Variants in HIPK2 observed in about 807,000 individuals in gnomAD.
HIPK2 encodes homeodomain interacting protein kinase 2, also known as homeodomain-interacting protein kinase 2.
In HIPK2, 27 loss-of-function variants were observed where a neutral mutation model predicts 113.7. That is an observed-to-expected ratio of 0.24 (90% CI 0.17 to 0.33). The LOEUF is 0.33. Among genes scored for constraint, HIPK2 ranks in the 10% least tolerant of loss-of-function variants. HIPK2 has a pLI of 1.00. For missense variants in HIPK2, 1,257 were observed against 1,588.0 expected (o/e 0.79, Z 3.54); for synonymous variants, 631 against 642.2 (o/e 0.98, Z 0.26).
intron 8 of HIPK2, 133 bp downstream of exon 8, chr7:139,614,153 C>T (rs1799936287): frequency 7.2e-6 from 6 of 836,118 alleles, no homozygotes; most frequent in Non-Finnish European, 1.0e-5. Flanking sequence ...TTCAGTGATA[C>T]CAGCGCTCTC....
intron 7 of HIPK2, among the ~76,000 whole-genome samples, chr7:139,619,909 C>A (rs1452761534): frequency 6.6e-6 from 1 of 152,062 alleles, no homozygotes; most frequent in Non-Finnish European, 1.5e-5. Flanking sequence ...TATAGGCATG[C>A]ACCACCATAC....
chr7:139,608,100 G>A (rs576688287), intron 9 of HIPK2, among the ~76,000 whole-genome samples: 111 of 151,588 alleles, frequency 7.3e-4, no homozygotes, highest in African/African-American at 2.3e-3. Context: ...AAAATTAGCC[G>A]GGGCGTGGTG....
At chr7:139,581,169 G>A (rs1030648096) in intron 13 of HIPK2, among the ~76,000 whole-genome samples, 5 of 152,130 alleles carry the variant, frequency 3.3e-5, no homozygotes, top group African/African-American at 4.8e-5. Context: ...GCAGTAAGCC[G>A]AGATCGCGCC....
At chr7:139,610,132 G>A (rs1799763529) in intron 9 of HIPK2, among the ~76,000 whole-genome samples, 1 of 152,184 alleles carries the variant, frequency 6.6e-6, no homozygotes, top group Admixed American at 6.5e-5. Flanking sequence ...TACGATTAAA[G>A]GACTGAAACA....
intron 1 of HIPK2, among the ~76,000 whole-genome samples, chr7:139,733,970 C>G (rs1795867357): frequency 6.6e-6 from 1 of 152,178 alleles, no homozygotes; most frequent in Non-Finnish European, 1.5e-5. Flanking sequence ...AGATGTGGCG[C>G]AAGTGTGAAG....
intron 4 of HIPK2, among the ~76,000 whole-genome samples, chr7:139,629,300 C>T (rs1351725399): frequency 6.6e-6 from 1 of 152,158 alleles, no homozygotes; most frequent in African/African-American, 2.4e-5. Flanking sequence ...ACAGGCTGAT[C>T]AAGGTATGCC....
At chr7:139,596,476 T>C (rs1430033895) in intron 12 of HIPK2, among the ~76,000 whole-genome samples, 1 of 152,218 alleles carries the variant, frequency 6.6e-6, no homozygotes, top group Non-Finnish European at 1.5e-5. Flanking sequence ...CCCAAATGTA[T>C]AGGGCCTATA....
intron 2 of HIPK2, among the ~76,000 whole-genome samples, chr7:139,668,247 G>A (rs1451068559): frequency 6.6e-6 from 1 of 151,656 alleles, no homozygotes; most frequent in Non-Finnish European, 1.5e-5. Context: ...TATAATTAAT[G>A]TGAAATGCTA....
At chr7:139,694,642 G>A (rs1271586332) in intron 2 of HIPK2, among the ~76,000 whole-genome samples, 3 of 152,146 alleles carry the variant, frequency 2.0e-5, no homozygotes, top group African/African-American at 7.2e-5. Flanking sequence ...ATTCCTGTGC[G>A]CATGGTCCAT....
chr7:139,761,923 C>T (rs960692746), intron 1 of HIPK2, among the ~76,000 whole-genome samples: 12 of 152,016 alleles, frequency 7.9e-5, no homozygotes, highest in African/African-American at 2.9e-4. Context: ...TAACAGTGGT[C>T]ATTTCTGGAC....
At chr7:139,717,383 T>C (rs1795280026) in intron 1 of HIPK2, among the ~76,000 whole-genome samples, 1 of 152,226 alleles carries the variant, frequency 6.6e-6, no homozygotes, top group South Asian at 2.1e-4. Flanking sequence ...CAGGAGGCTC[T>C]GCTGTCACGT....
At chr7:139,674,015 G>GAGAT (rs139499517) in intron 2 of HIPK2, among the ~76,000 whole-genome samples, 1,635 of 150,530 alleles carry the variant, frequency 0.011, 29 homozygotes, top group African/African-American at 0.037. Context: ...AGGTTGCAGT[G>GAGAT]AGATGAGCCT....
chr7:139,722,051 A>G, intron 1 of HIPK2: 1 of 475,498 alleles, frequency 2.1e-6, no homozygotes, highest in African/African-American at 2.0e-5. Context: ...AGTCATAAAC[A>G]CTGAATCTCA....
chr7:139,632,770 T>C (rs1188535918), intron 2 of HIPK2, among the ~76,000 whole-genome samples: 1 of 152,126 alleles, frequency 6.6e-6, no homozygotes, highest in East Asian at 1.9e-4. Flanking sequence ...ACACAGCTTA[T>C]GTTTTTTTAA....
In HIPK2 at chr7:139,626,708, C is replaced by T; in HGVS notation, c.1512G>A (p.Leu504=). ...KADRREFIDL[L]KKMLTIDADK... The stretch of plus-strand genomic sequence containing the variant: ...CAGCATCAATGGTCAGCATCTTCTT[C>T]AACAGGTCAATGAACTCCCGCCGGT... Residue 504 remains leucine (L), a synonymous_variant, in exon 6 of 15, where the codon TTG becomes TTA. Transcript: ENST00000406875. 1.2e-6 allele frequency: 2 copies of T among 1,613,964 alleles called. No homozygotes were observed. Among genetic ancestry groups the T allele is most frequent in the East Asian group, 2.2e-5 (1 of 44,884 alleles).
rs775085024 is a variant in HIPK2, at chr7:139,574,116, G to A, written c.3127-719C>T. Among the ~76,000 whole-genome samples, 10 of 152,210 alleles carry A rather than the reference G, an allele frequency of 6.6e-5. 1 individual carries two copies. In the South Asian group the frequency reaches 1.7e-3, roughly 25 times the overall value. ...GCTGGGACTACAGGCGTGAGCCACC[G>A]CACCCGGCCAGGACACTCTCTTTGA... On this transcript the variant is annotated intron_variant, in intron 14 of 14. Transcript: ENST00000406875.
Position 139,573,367 on chromosome 7 carries a change from C to A in HIPK2, c.3157G>T (p.Gly1053Trp), listed in dbSNP as rs758069044. 2.5e-6 allele frequency: 4 copies of A among 1,604,504 alleles called. No homozygotes were observed. The highest frequency in any genetic ancestry group is 3.4e-6 in the Non-Finnish European group (4 of 1,179,812). ...AQQHITTDRT[G>W]SHRRQQAYIT... ...TAGGCCTGCTGCCTTCGGTGGCTCCCAGTGCGGTCCGTGGTGATGTGCTGC... is the reference window on the plus strand; with the variant it reads ...TAGGCCTGCTGCCTTCGGTGGCTCCAAGTGCGGTCCGTGGTGATGTGCTGC... Residue 1053 changes from glycine to tryptophan, a missense_variant, in exon 15 of 15, where the codon GGG (glycine) becomes TGG (tryptophan). Coordinates refer to ENST00000406875, the MANE Select transcript of HIPK2 (RefSeq NM_022740.5).
chr7:139,669,344 T>G (rs925207119), intron 2 of HIPK2, among the ~76,000 whole-genome samples: 1 of 152,150 alleles, frequency 6.6e-6, no homozygotes, highest in African/African-American at 2.4e-5. Flanking sequence ...AACACCCAAA[T>G]AGGGAGATAA....
chr7:139,768,076 C>A (rs903856494), intron 1 of HIPK2, among the ~76,000 whole-genome samples: 4 of 152,234 alleles, frequency 2.6e-5, no homozygotes, highest in African/African-American at 9.6e-5. Context: ...GCAAGAGGCA[C>A]CCCAGTTCCA....
Sources: allele counts gnomAD v4.1 joint callset (sites outside exome capture counted in the v4.1 genomes callset), GRCh38; gene constraint gnomAD v4.1.1; transcripts MANE v1.5; gene names NCBI Gene and HGNC (gene_info 2026-07-23, HGNC 2026-07-21).